The following KCNQ5 variants were observed in gnomAD, a reference collection of about 807,000 sequenced individuals.
KCNQ5 encodes potassium voltage-gated channel subfamily Q member 5, also known as potassium voltage-gated channel subfamily KQT member 5.
Under a neutral mutation model 98.2 loss-of-function variants are expected in KCNQ5, and 30 were observed. The observed-to-expected ratio is 0.31, with a 90% CI of 0.23 to 0.41. KCNQ5 has a LOEUF of 0.41. Ranked by LOEUF, KCNQ5 falls within the 10% of genes least tolerant of loss-of-function variation. The pLI, the probability that KCNQ5 is intolerant of heterozygous loss-of-function variation, is 1.00. For synonymous variants in KCNQ5, 458 were observed against 449.4 expected, an observed-to-expected ratio of 1.02 and a Z score of -0.24; for missense variants, 835 against 1,182.5, an observed-to-expected ratio of 0.71 and a Z score of 4.31.
intron 1 of KCNQ5, among the ~76,000 whole-genome samples, chr6:72,965,447 G>T (rs1767555326): frequency 6.6e-6 from 1 of 152,158 alleles, no homozygotes; most frequent in Non-Finnish European, 1.5e-5. Flanking sequence ...TGTTTGTAGT[G>T]ACTTTACAGA....
chr6:72,972,318 A>G (rs1007654298), intron 1 of KCNQ5, among the ~76,000 whole-genome samples: 3 of 152,066 alleles, frequency 2.0e-5, no homozygotes, highest in Admixed American at 1.3e-4. Flanking sequence ...GCCATTAAAT[A>G]TAGCAATTAA....
At chr6:72,913,671 A>G (rs995661644) in intron 1 of KCNQ5, among the ~76,000 whole-genome samples, 8 of 152,236 alleles carry the variant, frequency 5.3e-5, no homozygotes, top group Non-Finnish European at 2.9e-5. Flanking sequence ...ATCTGTAGAC[A>G]TTTTAAACAG....
chr6:72,700,765 C>CTTTGTGT, intron 1 of KCNQ5, among the ~76,000 whole-genome samples: 1 of 152,200 alleles, frequency 6.6e-6, no homozygotes. Context: ...AGAGACCTAG[C>CTTTGTGT]ACCGGCACAT....
chr6:73,075,174 A>G (rs941421151), intron 3 of KCNQ5, among the ~76,000 whole-genome samples: 3 of 152,110 alleles, frequency 2.0e-5, no homozygotes, highest in African/African-American at 7.2e-5. Flanking sequence ...TATTCACTTC[A>G]GCTCACTCCC....
intron 1 of KCNQ5, among the ~76,000 whole-genome samples, chr6:72,871,667 C>A (rs1210521586): frequency 6.6e-6 from 1 of 152,058 alleles, no homozygotes; most frequent in African/African-American, 2.4e-5. Context: ...AAACTAAAAG[C>A]CAACATGTTG....
intron 1 of KCNQ5, among the ~76,000 whole-genome samples, chr6:72,774,133 T>C (rs1366135205): frequency 1.3e-5 from 2 of 152,160 alleles, no homozygotes; most frequent in African/African-American, 2.4e-5. Context: ...ATTGCAAATC[T>C]AGGTGTAAAG....
intron 1 of KCNQ5, among the ~76,000 whole-genome samples, chr6:72,979,102 A>G: frequency 6.6e-6 from 1 of 152,212 alleles, no homozygotes; most frequent in Non-Finnish European, 1.5e-5. Context: ...GTTGGTTCCA[A>G]GTCTTTGCTA....
intron 1 of KCNQ5, among the ~76,000 whole-genome samples, chr6:72,686,552 A>G (rs1767960348): frequency 6.6e-6 from 1 of 152,134 alleles, no homozygotes; most frequent in Non-Finnish European, 1.5e-5. Context: ...TTTCTTTGAT[A>G]TAAGCTGTAA....
At chr6:72,822,754 A>C (rs1775814678) in intron 1 of KCNQ5, among the ~76,000 whole-genome samples, 1 of 152,198 alleles carries the variant, frequency 6.6e-6, no homozygotes, top group Non-Finnish European at 1.5e-5. Context: ...AAACAACACA[A>C]ATGTATTATC....
At position 73,169,055 on chromosome 6, in the gene KCNQ5, T is replaced by A. The variant is rs200820274; in HGVS notation, c.1469-691T>A. Among the ~76,000 whole-genome samples, 3 of 152,258 alleles carry A rather than the reference T, an allele frequency of 2.0e-5. No individual in the cohort carries two copies. In the East Asian group the frequency reaches 5.8e-4, roughly 29 times the overall value. On this transcript the variant is annotated intron_variant, in intron 10 of 13. Transcript: ENST00000370398. ...TACTGAAAACAGAAATGCAATGAAATGAGCTTATTCCTTATTTGCTTTACA... is the reference window on the plus strand; with the variant it reads ...TACTGAAAACAGAAATGCAATGAAAAGAGCTTATTCCTTATTTGCTTTACA...
chr6:72,704,029 C>G (rs1265919698), intron 1 of KCNQ5, among the ~76,000 whole-genome samples: 6 of 152,056 alleles, frequency 3.9e-5, no homozygotes, highest in African/African-American at 7.2e-5. Flanking sequence ...AAAATGAGTC[C>G]TAGCTTAGTT....
At chr6:72,797,198 AC>A (rs2154478456) in intron 1 of KCNQ5, among the ~76,000 whole-genome samples, 1 of 152,304 alleles carries the variant, frequency 6.6e-6, no homozygotes, top group East Asian at 1.9e-4. Context: ...ATGCCCATGA[AC>A]TATAAAATTC....
At chr6:72,632,472 T>G (rs2098921541) in intron 1 of KCNQ5, among the ~76,000 whole-genome samples, 1 of 152,044 alleles carries the variant, frequency 6.6e-6, no homozygotes, top group Non-Finnish European at 1.5e-5. Context: ...AAAATCAACT[T>G]TTATTTTAGA....
chr6:72,909,203 A>G (rs1017329261), intron 1 of KCNQ5, among the ~76,000 whole-genome samples: 2 of 152,204 alleles, frequency 1.3e-5, no homozygotes, highest in African/African-American at 4.8e-5. Flanking sequence ...TATAGGTAAT[A>G]AGATTTAATG....
At chr6:73,157,913 C>T (rs1777433234) in intron 10 of KCNQ5, 1 of 775,130 alleles carries the variant, frequency 1.3e-6, no homozygotes. Flanking sequence ...TCTGCTCCTG[C>T]CCCGCTGTCA....
chr6:72,718,348 A>G (rs1233784523), intron 1 of KCNQ5, among the ~76,000 whole-genome samples: 2 of 150,868 alleles, frequency 1.3e-5, no homozygotes, highest in Non-Finnish European at 2.9e-5. Context: ...TTCCACCTGC[A>G]GTTGGTGGCA....
At chr6:72,948,491 AT>A (rs1236475616) in intron 1 of KCNQ5, among the ~76,000 whole-genome samples, 1 of 152,012 alleles carries the variant, frequency 6.6e-6, no homozygotes, top group Admixed American at 6.6e-5. Flanking sequence ...AGAAAAAAAA[AT>A]CTTTTTCTTT....
intron 10 of KCNQ5, among the ~76,000 whole-genome samples, chr6:73,149,401 T>TCACAG (rs1244723542): frequency 1.3e-5 from 2 of 152,314 alleles, no homozygotes; most frequent in East Asian, 3.9e-4. Context: ...CAGATTTAAA[T>TCACAG]ATAAAGCATA....
intron 1 of KCNQ5, among the ~76,000 whole-genome samples, chr6:72,994,611 AC>A (rs1216622455): frequency 2.0e-5 from 3 of 150,330 alleles, no homozygotes; most frequent in Non-Finnish European, 4.4e-5. Context: ...TGCAGAAATC[AC>A]CCGTCTTCTG....
Sources: gnomAD v4.1 joint callset for allele counts (sites outside exome capture counted in the v4.1 genomes callset) on GRCh38, gnomAD v4.1.1 for gene constraint, MANE v1.5 for transcripts, NCBI Gene and HGNC (gene_info 2026-07-23, HGNC 2026-07-21) for gene names.